RIMS2: variants seen among roughly 807,000 people sequenced by gnomAD.
RIMS2 encodes regulating synaptic membrane exocytosis 2, also known as regulating synaptic membrane exocytosis protein 2.
In RIMS2, 59 loss-of-function variants were observed where a neutral mutation model predicts 174.4. That is an observed-to-expected ratio of 0.34 (90% CI 0.27 to 0.42). The LOEUF is 0.42. Among genes scored for constraint, RIMS2 ranks in the 10% least tolerant of loss-of-function variants. The probability of loss-of-function intolerance (pLI) is 1.00; values close to 1 mark genes in which losing one functional copy is unlikely to be tolerated. For missense variants in RIMS2, 1,620 were observed against 1,666.3 expected (o/e 0.97, Z 0.48); for synonymous variants, 606 against 572.5 (o/e 1.06, Z -0.84).
At chr8:104,220,515 A>C (rs892094570) in intron 19 of RIMS2, among the ~76,000 whole-genome samples, 2 of 152,218 alleles carry the variant, frequency 1.3e-5, no homozygotes, top group Non-Finnish European at 2.9e-5. Context: ...ATCTTTTTCC[A>C]AAATGACTTT....
chr8:104,208,505 T>G (rs2137508317), intron 19 of RIMS2, among the ~76,000 whole-genome samples: 1 of 150,508 alleles, frequency 6.6e-6, no homozygotes, highest in East Asian at 2.0e-4. Flanking sequence ...GAGGCGGAAG[T>G]GGCAGTGATC....
At chr8:103,690,745 C>G (rs951207888) in intron 1 of RIMS2, among the ~76,000 whole-genome samples, 1 of 152,140 alleles carries the variant, frequency 6.6e-6, no homozygotes, top group Non-Finnish European at 1.5e-5. Context: ...TTATACACCA[C>G]AATCACAGTG....
At chr8:104,097,273 G>A (rs1363693275) in intron 19 of RIMS2, among the ~76,000 whole-genome samples, 2 of 151,978 alleles carry the variant, frequency 1.3e-5, no homozygotes, top group Admixed American at 6.6e-5. Context: ...ATGTTTTATA[G>A]ACACCTTATA....
At chr8:104,248,158 A>G (rs552439512) in intron 20 of RIMS2, among the ~76,000 whole-genome samples, 4 of 152,302 alleles carry the variant, frequency 2.6e-5, no homozygotes, top group Admixed American at 6.5e-5. Context: ...AATGAGAGGA[A>G]AGAAATTGAA....
chr8:103,568,747 C>G (rs2092578454), intron 1 of RIMS2: 1 of 1,052,460 alleles, frequency 9.5e-7, no homozygotes, highest in Non-Finnish European at 1.5e-6. Context: ...GCTGTAGATT[C>G]TTCACTGGGT....
At chr8:103,702,959 A>G (rs2097183637) in intron 2 of RIMS2, among the ~76,000 whole-genome samples, 2 of 142,478 alleles carry the variant, frequency 1.4e-5, no homozygotes, top group South Asian at 4.4e-4. Flanking sequence ...TTCGTGAGGA[A>G]TGTTGTTGGG....
intron 15 of RIMS2, among the ~76,000 whole-genome samples, chr8:103,972,257 A>G (rs1218203502): frequency 6.6e-6 from 1 of 152,078 alleles, no homozygotes; most frequent in African/African-American, 2.4e-5. Flanking sequence ...TCATTTGATA[A>G]CTTCATTATT....
At chr8:104,205,000 G>A (rs2099073194) in intron 19 of RIMS2, among the ~76,000 whole-genome samples, 1 of 152,132 alleles carries the variant, frequency 6.6e-6, no homozygotes. Flanking sequence ...GGGAGGATAT[G>A]GAGCTAATGG....
chr8:103,828,112 G>A (rs1179248045), intron 3 of RIMS2, among the ~76,000 whole-genome samples: 1 of 150,702 alleles, frequency 6.6e-6, no homozygotes, highest in Non-Finnish European at 1.5e-5. Context: ...ATTTTGATAA[G>A]GTTTTTTTTG....
At chr8:103,710,575 A>T (rs1326597180) in intron 2 of RIMS2, among the ~76,000 whole-genome samples, 1 of 152,180 alleles carries the variant, frequency 6.6e-6, no homozygotes, top group Non-Finnish European at 1.5e-5. Flanking sequence ...AAAGACATTA[A>T]AAGTAATTTA....
At chr8:103,683,748 A>T (rs2096907286) in intron 1 of RIMS2, among the ~76,000 whole-genome samples, 1 of 152,184 alleles carries the variant, frequency 6.6e-6, no homozygotes, top group African/African-American at 2.4e-5. Context: ...ACACTTGGAA[A>T]GATGATTCTT....
intron 1 of RIMS2, among the ~76,000 whole-genome samples, chr8:103,667,635 C>G (rs142123854): frequency 6.6e-6 from 1 of 152,192 alleles, no homozygotes; most frequent in African/African-American, 2.4e-5. Flanking sequence ...AAGTATACTT[C>G]ATGAGTGCAC....
At chr8:103,654,766 C>T (rs932593710) in intron 1 of RIMS2, among the ~76,000 whole-genome samples, 2 of 151,880 alleles carry the variant, frequency 1.3e-5, no homozygotes, top group African/African-American at 4.8e-5. Flanking sequence ...TGCTTACTTT[C>T]TATTATTCAT....
chr8:103,789,043 G>A (rs148272756), intron 3 of RIMS2, among the ~76,000 whole-genome samples: 1,747 of 152,228 alleles, frequency 0.011, 7 homozygotes, highest in African/African-American at 0.038. Flanking sequence ...TCCAGGTGCC[G>A]TCCGTCACCC....
chr8:103,523,851 T>C (rs1172150022), intron 1 of RIMS2, among the ~76,000 whole-genome samples: 1 of 152,162 alleles, frequency 6.6e-6, no homozygotes, highest in East Asian at 1.9e-4. Flanking sequence ...GTGTTTCTGT[T>C]TTTGCTTATG....
At chr8:103,811,450 T>G (rs116854183) in intron 3 of RIMS2, among the ~76,000 whole-genome samples, 1,742 of 152,266 alleles carry the variant, frequency 0.011, 23 homozygotes, top group South Asian at 0.049. Flanking sequence ...ATTAAATTAA[T>G]TAATTTATTT....
intron 19 of RIMS2, among the ~76,000 whole-genome samples, chr8:104,097,759 C>G (rs549306270): frequency 6.6e-6 from 1 of 152,272 alleles, no homozygotes; most frequent in East Asian, 1.9e-4. Flanking sequence ...AATGCTCAAC[C>G]TATATATGAT....
intron 19 of RIMS2, among the ~76,000 whole-genome samples, chr8:104,053,850 G>A (rs892926999): frequency 2.0e-5 from 3 of 152,026 alleles, no homozygotes; most frequent in African/African-American, 4.8e-5. Context: ...CTTTAAAGCC[G>A]AGAAGGCCAA....
intron 1 of RIMS2, among the ~76,000 whole-genome samples, chr8:103,592,034 C>A (rs2094287626): frequency 6.6e-6 from 1 of 151,110 alleles, no homozygotes; most frequent in Non-Finnish European, 1.5e-5. Flanking sequence ...TTCATGAATA[C>A]TATATACCTC....
Sources: gnomAD v4.1 joint callset for allele counts (sites outside exome capture counted in the v4.1 genomes callset) on GRCh38, gnomAD v4.1.1 for gene constraint, MANE v1.5 for transcripts, NCBI Gene and HGNC (gene_info 2026-07-23, HGNC 2026-07-21) for gene names.